Variants in ADAMTSL1 observed in about 807,000 individuals in gnomAD.
ADAMTSL1 encodes ADAMTS-like protein 1.
ADAMTSL1 carries 126 observed loss-of-function variants against 201.8 expected under a neutral mutation model. The observed-to-expected ratio is 0.62, with a 90% CI of 0.54 to 0.72. ADAMTSL1 has a LOEUF of 0.72. ADAMTSL1 is among the 30% of genes least tolerant of loss of function. ADAMTSL1 has a pLI of 0.00. For synonymous variants in ADAMTSL1, 1,121 were observed against 903.4 expected (o/e 1.24, Z -4.32); for missense variants, 2,679 against 2,277.8 (o/e 1.18, Z -3.59).
chr9:18,143,922 A>AG (rs924531051), intron 1 of ADAMTSL1, among the ~76,000 whole-genome samples: 1 of 152,140 alleles, frequency 6.6e-6, no homozygotes, highest in Non-Finnish European at 1.5e-5. Flanking sequence ...GAAAATGGGG[A>AG]GGGGGCAGAT....
At chr9:18,799,463 C>T (rs1453818564) in intron 20 of ADAMTSL1, among the ~76,000 whole-genome samples, 2 of 152,162 alleles carry the variant, frequency 1.3e-5, no homozygotes, top group Non-Finnish European at 2.9e-5. Flanking sequence ...CAGTCTGGAT[C>T]CGTGGAGTTT....
chr9:18,522,703 T>G (rs1475778725), intron 2 of ADAMTSL1, among the ~76,000 whole-genome samples: 1 of 151,652 alleles, frequency 6.6e-6, no homozygotes, highest in Non-Finnish European at 1.5e-5. Flanking sequence ...TGTTTTTTTT[T>G]TCCCTGCAAT....
chr9:18,560,067 G>A (rs1821383733), intron 3 of ADAMTSL1, among the ~76,000 whole-genome samples: 7 of 152,144 alleles, frequency 4.6e-5, no homozygotes, highest in Admixed American at 4.6e-4. Context: ...TGGTGAGAGA[G>A]GGCATCCTTG....
intron 2 of ADAMTSL1, among the ~76,000 whole-genome samples, chr9:18,295,626 C>T (rs781131171): frequency 1.3e-5 from 2 of 152,288 alleles, no homozygotes; most frequent in East Asian, 1.9e-4. Flanking sequence ...GCATGAGCCA[C>T]GGTGCCCGGC....
intron 2 of ADAMTSL1, among the ~76,000 whole-genome samples, chr9:18,520,039 G>A (rs1818597186): frequency 1.3e-5 from 2 of 152,156 alleles, no homozygotes; most frequent in Non-Finnish European, 1.5e-5. Flanking sequence ...AAAAAAATTG[G>A]CAGTGATTTT....
rs559563206 is a variant in ADAMTSL1 at position 18,494,587 on chromosome 9, T to G, written c.64-10242T>G. On this transcript the variant is annotated intron_variant, in intron 1 of 28. Transcript: ENST00000380548. ...GTTACTGAGAATCATGACCAATTAC[T>G]GAAGTGTAGAGGCCATGTATGATTA... Among the ~76,000 whole-genome samples the G allele has an allele frequency of 2.3e-4, 35 of 152,240 alleles. No individual in the cohort carries two copies. In the South Asian group the frequency reaches 4.6e-3, roughly 20 times the overall value.
intron 23 of ADAMTSL1, among the ~76,000 whole-genome samples, chr9:18,842,613 G>A (rs1225950254): frequency 6.6e-6 from 1 of 152,110 alleles, no homozygotes; most frequent in African/African-American, 2.4e-5. Flanking sequence ...CTGTCTTGTT[G>A]ATCTGTCTAA....
At chr9:18,689,118 G>A (rs1831055833) in intron 13 of ADAMTSL1, among the ~76,000 whole-genome samples, 1 of 151,930 alleles carries the variant, frequency 6.6e-6, no homozygotes, top group Non-Finnish European at 1.5e-5. Context: ...ACATTTATTT[G>A]GTGGGGAATT....
At chr9:18,591,506 A>G (rs970873804) in intron 4 of ADAMTSL1, among the ~76,000 whole-genome samples, 4 of 152,092 alleles carry the variant, frequency 2.6e-5, no homozygotes, top group Non-Finnish European at 5.9e-5. Context: ...AATTTAGCCC[A>G]TTTACATTTA....
At chr9:18,169,676 C>G (rs923020276) in intron 2 of ADAMTSL1, among the ~76,000 whole-genome samples, 1 of 152,062 alleles carries the variant, frequency 6.6e-6, no homozygotes, top group Non-Finnish European at 1.5e-5. Flanking sequence ...TCATTGGTAG[C>G]TTGATGGAGA....
At chr9:18,542,056 C>G (rs1307400144) in intron 3 of ADAMTSL1, among the ~76,000 whole-genome samples, 1 of 152,176 alleles carries the variant, frequency 6.6e-6, no homozygotes, top group Non-Finnish European at 1.5e-5. Flanking sequence ...TCCAACTGAT[C>G]ACCTAATACA....
chr9:18,351,862 A>G (rs112812777), intron 2 of ADAMTSL1, among the ~76,000 whole-genome samples: 32 of 152,204 alleles, frequency 2.1e-4, no homozygotes, highest in African/African-American at 7.5e-4. Context: ...AGACCTTTTA[A>G]AGAAATACAT....
intron 1 of ADAMTSL1, among the ~76,000 whole-genome samples, chr9:18,493,693 T>A (rs545221123): frequency 2.9e-4 from 44 of 152,320 alleles, no homozygotes; most frequent in African/African-American, 1.0e-3. Context: ...TGATTCAGAT[T>A]CATTTTTGTC....
At chr9:18,717,986 C>T (rs1052420307) in intron 14 of ADAMTSL1, 4 of 1,587,518 alleles carry the variant, frequency 2.5e-6, no homozygotes, top group Admixed American at 1.7e-5. Flanking sequence ...AAGCAGCTGA[C>T]ATGATGACTT....
At chr9:18,902,891 T>C (rs1376177951) in intron 26 of ADAMTSL1, among the ~76,000 whole-genome samples, 1 of 152,090 alleles carries the variant, frequency 6.6e-6, no homozygotes, top group African/African-American at 2.4e-5. Flanking sequence ...AATGGAGACA[T>C]TACTACCAGT....
chr9:18,096,263 A>C (rs989190284), intron 1 of ADAMTSL1, among the ~76,000 whole-genome samples: 1 of 152,234 alleles, frequency 6.6e-6, no homozygotes, highest in Non-Finnish European at 1.5e-5. Flanking sequence ...TATTCAGTGA[A>C]CTATAATGAC....
chr9:18,005,063 G>C lies in ADAMTSL1; in HGVS notation c.87+98141G>C, dbSNP rs867453368. Among the ~76,000 whole-genome samples, 56 of 152,114 alleles carry C rather than the reference G, an allele frequency of 3.7e-4. 1 individual carries two copies. Among genetic ancestry groups the C allele is most frequent in the African/African-American group, 1.3e-3 (54 of 41,452 alleles). ...ACAGATGAGTAAGTAGGTGGTGACA[G>C]TGAAGTTTGATCCGTGCTCTGACGG... On this transcript the variant is annotated intron_variant, in intron 1 of 29. Coordinates refer to the ADAMTSL1 transcript ENST00000680146.
At chr9:18,629,129 C>T (rs1826579665) in intron 5 of ADAMTSL1, among the ~76,000 whole-genome samples, 1 of 152,158 alleles carries the variant, frequency 6.6e-6, no homozygotes, top group Non-Finnish European at 1.5e-5. Context: ...TTGATACACT[C>T]ACTCAATACC....
At chr9:18,316,549 C>T (rs1563882147) in intron 2 of ADAMTSL1, among the ~76,000 whole-genome samples, 1 of 152,126 alleles carries the variant, frequency 6.6e-6, no homozygotes, top group Non-Finnish European at 1.5e-5. Flanking sequence ...AAATATGGCT[C>T]TGTTCCGCCT....
Sources: gnomAD v4.1 joint callset for allele counts (sites outside exome capture counted in the v4.1 genomes callset) on GRCh38, gnomAD v4.1.1 for gene constraint, MANE v1.5 for transcripts, NCBI Gene and HGNC (gene_info 2026-07-23, HGNC 2026-07-21) for gene names.